FAM178B: variants seen among roughly 807,000 people sequenced by gnomAD.
The protein encoded by FAM178B is family with sequence similarity 178 member B, also known as protein FAM178B.
FAM178B carries 82 observed loss-of-function variants against 91.7 expected under a neutral mutation model. The observed-to-expected ratio is 0.89, with a 90% CI of 0.75 to 1.07. The LOEUF is 1.07. Ranked by LOEUF, FAM178B falls within the 50% of genes least tolerant of loss-of-function variation. The pLI, the probability that FAM178B is intolerant of heterozygous loss-of-function variation, is 0.00. For missense variants in FAM178B, 769 were observed against 846.7 expected, an observed-to-expected ratio of 0.91 and a Z score of 1.14; for synonymous variants, 368 against 359.4, an observed-to-expected ratio of 1.02 and a Z score of -0.27.
chr2:96,893,612 C>T (rs2080734850), intron 14 of FAM178B, among the ~76,000 whole-genome samples: 1 of 152,010 alleles, frequency 6.6e-6, no homozygotes, highest in Admixed American at 6.6e-5. Context: ...TGCATCCTCC[C>T]TAAACCATGC....
At chr2:96,959,535 A>G (rs541559917) in intron 6 of FAM178B, among the ~76,000 whole-genome samples, 58 of 152,308 alleles carry the variant, frequency 3.8e-4, no homozygotes, top group Non-Finnish European at 5.1e-4. Context: ...AAGAGACCAC[A>G]GCAGCAGCTC....
At chr2:96,944,034 G>A (rs1204879537) in intron 8 of FAM178B, among the ~76,000 whole-genome samples, 1 of 152,148 alleles carries the variant, frequency 6.6e-6, no homozygotes, top group Non-Finnish European at 1.5e-5. Flanking sequence ...CCTGAGGCCA[G>A]GAGTTCGAGA....
chr2:96,960,078 T>C lies in FAM178B; in HGVS notation c.887+210A>G, dbSNP rs144003319. Among the ~76,000 whole-genome samples, 307 of 152,336 alleles carry C rather than the reference T, an allele frequency of 2.0e-3. 1 individual carries two copies. Among genetic ancestry groups the C allele is most frequent in the South Asian group, 7.0e-3 (34 of 4,830 alleles). On this transcript the variant is annotated intron_variant, in intron 6 of 16. Coordinates refer to ENST00000490605, the MANE Select transcript of FAM178B (RefSeq NM_001122646.3). The stretch of plus-strand genomic sequence containing the variant: ...GCACAACTGGCTATCTGCTATAATG[T>C]GGGAATTTTTTAATTATGTGCAACA...
At chr2:96,941,217 C>T (rs1466915035) in intron 8 of FAM178B, among the ~76,000 whole-genome samples, 1 of 152,162 alleles carries the variant, frequency 6.6e-6, no homozygotes, top group Non-Finnish European at 1.5e-5. Context: ...AAGACTTTCA[C>T]TCTTTATTTT....
intron 8 of FAM178B, among the ~76,000 whole-genome samples, chr2:96,929,630 A>G (rs377570431): frequency 2.6e-4 from 39 of 152,376 alleles, no homozygotes; most frequent in African/African-American, 9.1e-4. Context: ...GGCTGCCCAC[A>G]GCCAAGTGAC....
chr2:96,960,190 G>C, intron 6 of FAM178B, 98 bp downstream of exon 6: 3 of 1,381,106 alleles, frequency 2.2e-6, no homozygotes, highest in Non-Finnish European at 2.9e-6. Context: ...TCACCTCTTC[G>C]AACTTCCCCC....
chr2:96,955,809 C>T (rs1013756435), intron 6 of FAM178B, among the ~76,000 whole-genome samples: 2 of 152,192 alleles, frequency 1.3e-5, no homozygotes, highest in Non-Finnish European at 2.9e-5. Context: ...AAGGCTCAGC[C>T]CTCTCCATAC....
At position 96,894,940 on chromosome 2, in the gene FAM178B, C is replaced by T. The variant is rs931859993; in HGVS notation, c.1651-889G>A. ...ACACCCATCCCCACCCCCTGCACTG[C>T]CGCTCTGCATCTGTGGGCCCACCCT... On this transcript the variant is annotated intron_variant, in intron 13 of 16. Coordinates refer to ENST00000490605, the MANE Select transcript of FAM178B (RefSeq NM_001122646.3). The T allele has an allele frequency of 9.6e-5, 69 of 716,636 alleles. 1 individual carries two copies. Among genetic ancestry groups the T allele is most frequent in the Middle Eastern group, 8.8e-4 (2 of 2,280 alleles). 44.4% of individuals were successfully genotyped at this position (716,636 alleles called of 1,614,324 possible).
intron 8 of FAM178B, among the ~76,000 whole-genome samples, chr2:96,930,554 C>T (rs1038313219): frequency 7.2e-5 from 11 of 152,162 alleles, no homozygotes; most frequent in African/African-American, 2.2e-4. Context: ...AGGAGTCCCA[C>T]GAGGGCAGGG....
At chr2:96,891,593 G>A (rs1467960704) in intron 14 of FAM178B, among the ~76,000 whole-genome samples, 1 of 152,218 alleles carries the variant, frequency 6.6e-6, no homozygotes, top group African/African-American at 2.4e-5. Context: ...AGCTGGACAG[G>A]GGGCAAGCAA....
At chr2:96,970,646 A>G (rs1158225445) in intron 4 of FAM178B, 70 bp downstream of exon 4, 1 of 1,198,036 alleles carries the variant, frequency 8.3e-7, no homozygotes, top group Non-Finnish European at 1.2e-6. Flanking sequence ...CAGACTCTGC[A>G]GTGAGTCCCG....
At chr2:96,909,476 C>T (rs539825097) in intron 12 of FAM178B, among the ~76,000 whole-genome samples, 3 of 152,328 alleles carry the variant, frequency 2.0e-5, no homozygotes, top group South Asian at 4.1e-4. Context: ...GCTGCCCCTT[C>T]CTGCAGGTGC....
At chr2:96,881,424 G>C (rs542314408) in intron 14 of FAM178B, among the ~76,000 whole-genome samples, 1 of 152,120 alleles carries the variant, frequency 6.6e-6, no homozygotes, top group East Asian at 1.9e-4. Context: ...GGCTGTCTGC[G>C]AGGGAGAATG....
At chr2:96,971,675 T>C (rs1197427579) in intron 3 of FAM178B, among the ~76,000 whole-genome samples, 1 of 152,208 alleles carries the variant, frequency 6.6e-6, no homozygotes, top group Non-Finnish European at 1.5e-5. Flanking sequence ...AAGCCATTTG[T>C]CAGCAGGAGT....
intron 9 of FAM178B, among the ~76,000 whole-genome samples, chr2:96,927,861 C>A (rs1405249927): frequency 6.6e-6 from 1 of 152,160 alleles, no homozygotes; most frequent in Non-Finnish European, 1.5e-5. Flanking sequence ...ACTCCACGGC[C>A]CCTGCCTGCC....
At chr2:96,928,754 T>C (rs2081490046) in intron 9 of FAM178B, among the ~76,000 whole-genome samples, 1 of 152,130 alleles carries the variant, frequency 6.6e-6, no homozygotes, top group Non-Finnish European at 1.5e-5. Context: ...AGGAAATTCC[T>C]TCCTGGTGTG....
Position 96,876,075 on chromosome 2 carries a change from G to A in FAM178B, c.*201C>T. On this transcript the variant is annotated 3_prime_UTR_variant, in exon 17 of 17. Coordinates refer to ENST00000490605, the MANE Select transcript of FAM178B (RefSeq NM_001122646.3). ...AGAGAGGCCCATCCCTTGCTGAGAG[G>A]AGAGGGGGTCGGGGCGGTGGCAGAG... The A allele has an allele frequency of 1.7e-6, 1 of 596,740 alleles. No individual in the cohort carries two copies. The highest frequency in any genetic ancestry group is 2.6e-4 in the Middle Eastern group (1 of 3,798). The allele number at this position is 596,740 out of a possible 1,614,324, so 37.0% of individuals were successfully genotyped here. A position where few individuals can be genotyped will look rare whatever the true frequency, so the allele number is the denominator to read the frequency against.
At chr2:96,878,609 C>T (rs746254636) in intron 14 of FAM178B, 116 bp from the exon 15 acceptor site, 4 of 876,466 alleles carry the variant, frequency 4.6e-6, no homozygotes, top group East Asian at 2.6e-5. Context: ...GGGGCTCAGT[C>T]ACCCCTAGGC....
intron 5 of FAM178B, among the ~76,000 whole-genome samples, chr2:96,967,145 G>A (rs1010405725): frequency 6.6e-6 from 1 of 152,194 alleles, no homozygotes; most frequent in Non-Finnish European, 1.5e-5. Context: ...CTCTTCTCCA[G>A]TTAGGGGAAG....
Sources: gnomAD v4.1 joint callset for allele counts (sites outside exome capture counted in the v4.1 genomes callset) on GRCh38, gnomAD v4.1.1 for gene constraint, MANE v1.5 for transcripts, NCBI Gene and HGNC (gene_info 2026-07-23, HGNC 2026-07-21) for gene names.